The following GRM5 variants were observed in gnomAD, a reference collection of about 807,000 sequenced individuals.
GRM5 encodes glutamate metabotropic receptor 5.
In GRM5, 19 loss-of-function variants were observed where a neutral mutation model predicts 83.1. The ratio of observed to expected loss-of-function variants is 0.23; its 90% CI spans 0.16 to 0.34. The LOEUF (loss-of-function observed/expected upper bound fraction) is 0.34. GRM5 is among the 10% of genes least tolerant of loss of function. The pLI is 1.00. For synonymous variants in GRM5, 675 were observed against 633.6 expected (o/e 1.07, Z -0.98); for missense variants, 1,160 against 1,588.3 (o/e 0.73, Z 4.58).
At chr11:88,791,691 T>G (rs1943175714) in intron 3 of GRM5, among the ~76,000 whole-genome samples, 1 of 152,158 alleles carries the variant, frequency 6.6e-6, no homozygotes. Context: ...GCAAGTGCTA[T>G]TAAATAAAGG....
intron 4 of GRM5, among the ~76,000 whole-genome samples, chr11:88,620,024 A>G (rs983881295): frequency 6.6e-6 from 1 of 152,170 alleles, no homozygotes; most frequent in Non-Finnish European, 1.5e-5. Context: ...AGTGGATGAT[A>G]CCATATTTTT....
chr11:88,588,541 C>T (rs1363189812), intron 7 of GRM5, among the ~76,000 whole-genome samples: 1 of 152,092 alleles, frequency 6.6e-6, no homozygotes, highest in Non-Finnish European at 1.5e-5. Context: ...TGACACTGTT[C>T]TCCTACCTGC....
chr11:88,617,024 C>T (rs1591385233), intron 4 of GRM5, among the ~76,000 whole-genome samples: 1 of 152,000 alleles, frequency 6.6e-6, no homozygotes, highest in African/African-American at 2.4e-5. Context: ...GACAGGGTGC[C>T]TCAAGGAGTG....
At chr11:88,862,162 C>T (rs541332737) in intron 2 of GRM5, among the ~76,000 whole-genome samples, 94 of 152,248 alleles carry the variant, frequency 6.2e-4, no homozygotes, top group Non-Finnish European at 1.1e-3. Flanking sequence ...GTGCCCTCGA[C>T]AGAGTGAGGA....
intron 2 of GRM5, among the ~76,000 whole-genome samples, chr11:88,895,542 G>C (rs1408089990): frequency 6.6e-6 from 1 of 151,828 alleles, no homozygotes; most frequent in East Asian, 1.9e-4. Flanking sequence ...TAATTGGATT[G>C]TGAAAATATT....
At position 88,724,459 on chromosome 11, in the gene GRM5, C is replaced by A. The variant is rs187364346; in HGVS notation, c.912-71056G>T. 2.8e-3 allele frequency among the ~76,000 whole-genome samples: 432 copies of A among 152,182 alleles called. 1 individual carries two copies. Among genetic ancestry groups the A allele is most frequent in the African/African-American group, 9.9e-3 (412 of 41,522 alleles). On this transcript the variant is annotated intron_variant, in intron 3 of 9. Transcript: ENST00000305447. ...GCACAGTTCTTAACTTGATATTTAT[C>A]TTCTTCTCTAGATAGTATGTTTTGT...
At chr11:88,781,387 C>G (rs1006531760) in intron 3 of GRM5, among the ~76,000 whole-genome samples, 2 of 152,072 alleles carry the variant, frequency 1.3e-5, no homozygotes, top group East Asian at 3.9e-4. Context: ...AAGATACATT[C>G]AAGCATCCTA....
intron 2 of GRM5, among the ~76,000 whole-genome samples, chr11:88,938,703 T>C (rs1203746591): frequency 6.6e-6 from 1 of 151,734 alleles, no homozygotes; most frequent in Non-Finnish European, 1.5e-5. Context: ...TGTCTTCTCA[T>C]CTCACCTCCA....
At chr11:88,538,534 G>A (rs1221706840) in intron 8 of GRM5, among the ~76,000 whole-genome samples, 1 of 152,148 alleles carries the variant, frequency 6.6e-6, no homozygotes, top group African/African-American at 2.4e-5. Flanking sequence ...CTATCTTATA[G>A]GACTGAGGAA....
At chr11:88,968,002 T>G (rs1356438380) in intron 2 of GRM5, among the ~76,000 whole-genome samples, 1 of 152,150 alleles carries the variant, frequency 6.6e-6, no homozygotes, top group African/African-American at 2.4e-5. Flanking sequence ...CCCCTTCCTT[T>G]GAATTCGAAT....
At chr11:88,509,814 T>G (rs1941313539) in intron 9 of GRM5, among the ~76,000 whole-genome samples, 1 of 152,216 alleles carries the variant, frequency 6.6e-6, no homozygotes, top group Non-Finnish European at 1.5e-5. Flanking sequence ...TGAGCCCACC[T>G]GTGAGTGCAG....
intron 5 of GRM5, among the ~76,000 whole-genome samples, chr11:88,600,227 A>ATCCTCCTCCTCCTTCC (rs1937940406): frequency 1.4e-5 from 2 of 140,230 alleles, no homozygotes; most frequent in African/African-American, 2.7e-5. Flanking sequence ...TTCTTCCTCA[A>ATCCTCCTCCTCCTTCC]TCCTCCTCCT....
chr11:88,509,423 G>A lies in GRM5; in HGVS notation c.2808C>T (p.His936=). The change falls in exon 10 of 10, where the codon CAC becomes CAT. Residue 936 remains histidine (H), a synonymous_variant. Coordinates refer to ENST00000305447, the MANE Select transcript of GRM5 (RefSeq NM_001143831.3). The stretch of plus-strand genomic sequence containing the variant: ...GGTTGGGGTTTTCTTTCTTGTTGAT[G>A]TGGATGGACAGGCGCTGCCACAGGT... ...GQHLWQRLSI[H]INKKENPNQT... The A allele has an allele frequency of 2.5e-6, 4 of 1,612,834 alleles. No homozygotes were observed. Among genetic ancestry groups the A allele is most frequent in the Non-Finnish European group, 3.4e-6 (4 of 1,179,854 alleles).
chr11:89,047,278 C>A lies in GRM5; in HGVS notation c.595G>T (p.Ala199Ser), dbSNP rs1296844806. 6 of 1,614,058 alleles carry A rather than the reference C, an allele frequency of 3.7e-6. No homozygotes were observed. The highest frequency in any genetic ancestry group is 2.2e-5 in the East Asian group (1 of 44,874). Reference protein sequence around the residue: ...MRVVPSDAQQARAMVDIVKRY... With the variant: ...MRVVPSDAQQSRAMVDIVKRY... Reference sequence around the variant, plus strand: ...TTCACTATGTCCACCATGGCCCTTGCCTGCTGAGCATCTGAAGGCACAACC... The same window carrying A: ...TTCACTATGTCCACCATGGCCCTTGACTGCTGAGCATCTGAAGGCACAACC... The change falls in exon 2 of 10, where the codon GCA becomes TCA. Residue 199 changes from alanine to serine, a missense_variant. Around this residue, in one of 9 missense-constraint regions of GRM5, gnomAD observed 84 missense variants for 231.0 expected, o/e 0.36. Coordinates refer to ENST00000305447, the MANE Select transcript of GRM5 (RefSeq NM_001143831.3). The surrounding 1 kb of genome is among the most constrained non-coding windows in gnomAD (Gnocchi z 5.1).
At chr11:88,886,937 G>C (rs1160329864) in intron 2 of GRM5, among the ~76,000 whole-genome samples, 1 of 152,122 alleles carries the variant, frequency 6.6e-6, no homozygotes, top group African/African-American at 2.4e-5. Context: ...ACCACAGGGA[G>C]CATCTCTCTC....
intron 3 of GRM5, among the ~76,000 whole-genome samples, chr11:88,755,886 T>C (rs1285342459): frequency 6.6e-6 from 1 of 152,170 alleles, no homozygotes; most frequent in East Asian, 1.9e-4. Context: ...AAAAGTAGGA[T>C]ACTGTGCCAG....
intron 2 of GRM5, among the ~76,000 whole-genome samples, chr11:88,922,974 G>T (rs931772073): frequency 1.3e-5 from 2 of 152,032 alleles, no homozygotes; most frequent in Admixed American, 6.6e-5. Flanking sequence ...TAAATGAAAG[G>T]TTTCTCAATA....
intron 2 of GRM5, among the ~76,000 whole-genome samples, chr11:88,963,408 T>C (rs1049843180): frequency 7.2e-5 from 11 of 152,188 alleles, no homozygotes; most frequent in African/African-American, 2.4e-4. Context: ...TTGCCATTTA[T>C]GTTAGTTTTG....
At chr11:88,745,563 G>A (rs999646264) in intron 3 of GRM5, among the ~76,000 whole-genome samples, 8 of 151,988 alleles carry the variant, frequency 5.3e-5, no homozygotes, top group Non-Finnish European at 7.4e-5. Flanking sequence ...TTTGGACCTT[G>A]GCCTTGTAGA....
Sources: allele counts gnomAD v4.1 joint callset (sites outside exome capture counted in the v4.1 genomes callset), GRCh38; gene constraint gnomAD v4.1.1; regional missense constraint gnomAD v4.1.1; non-coding constraint Gnocchi (gnomAD v3.1); transcripts MANE v1.5; gene names NCBI Gene and HGNC (gene_info 2026-07-23, HGNC 2026-07-21).